Variants in PECAM1 observed in about 807,000 individuals in gnomAD.
PECAM1 encodes the protein platelet and endothelial cell adhesion molecule 1, also known as platelet endothelial cell adhesion molecule.
PECAM1 carries 8 observed loss-of-function variants against 13.8 expected under a neutral mutation model. The observed-to-expected ratio is 0.58, with a 90% confidence interval of 0.34 to 1.05. PECAM1 has a LOEUF of 1.05. PECAM1 is among the 50% of genes least tolerant of loss of function. PECAM1 has a pLI of 0.03. For synonymous variants in PECAM1, 136 were observed against 52.6 expected (o/e 2.58, Z -6.86); for missense variants, 304 against 141.2 (o/e 2.15, Z -5.84).
intron 13 of PECAM1, among the ~76,000 whole-genome samples, chr17:64,342,044 G>A (rs1053318920): frequency 1.7e-4 from 26 of 151,904 alleles, no homozygotes; most frequent in African/African-American, 3.6e-4. Flanking sequence ...CCAGTTACTC[G>A]AGAGCTAAGG....
Position 64,352,584 on chromosome 17 carries a change from C to T in PECAM1, c.1917-121G>A, listed in dbSNP as rs2035750211. On this transcript the variant is annotated intron_variant, in intron 10 of 15. Coordinates refer to ENST00000563924, the MANE Select transcript of PECAM1 (RefSeq NM_000442.5). ...CATGAGAAAACCAGGAAGAGTTTTCCAAGGTAAGGAAAACTTTACTCTCTC... is the reference window on the plus strand; with the variant it reads ...CATGAGAAAACCAGGAAGAGTTTTCTAAGGTAAGGAAAACTTTACTCTCTC... 1.5e-5 allele frequency: 6 copies of T among 393,444 alleles called. No individual in the cohort carries two copies. The South Asian group carries it at 7.1e-4, about 47-fold the overall frequency. The allele number at this position is 393,444 out of a possible 1,614,324, so 24.4% of individuals were successfully genotyped here.
chr17:64,354,191 C>T (rs1345628843), intron 9 of PECAM1, among the ~76,000 whole-genome samples: 3 of 152,140 alleles, frequency 2.0e-5, no homozygotes, highest in Admixed American at 6.5e-5. Context: ...ATCTGCCTGC[C>T]TTGGCCTCCC....
chr17:64,374,033 A>G (rs1167202756), intron 4 of PECAM1, among the ~76,000 whole-genome samples: 2 of 152,086 alleles, frequency 1.3e-5, no homozygotes, highest in African/African-American at 2.4e-5. Context: ...ACGCAAATCT[A>G]CGTTGAACAA....
chr17:64,330,614 C>T (rs8081216), intron 14 of PECAM1, among the ~76,000 whole-genome samples: 81,418 of 147,424 alleles, frequency 0.55, 22,468 homozygotes, highest in East Asian at 0.69. Context: ...CCAGCCTGGG[C>T]GACACAGCAA....
At chr17:64,335,443 T>A (rs961836775) in intron 14 of PECAM1, among the ~76,000 whole-genome samples, 1 of 150,342 alleles carries the variant, frequency 6.7e-6, no homozygotes, top group Admixed American at 6.6e-5. Context: ...ATTATGCCGA[T>A]AACATGAAGC....
chr17:64,389,527 A>G (rs1178841106), intron 2 of PECAM1, among the ~76,000 whole-genome samples: 1 of 152,184 alleles, frequency 6.6e-6, no homozygotes, highest in Non-Finnish European at 1.5e-5. Context: ...CCAGTGTGTG[A>G]TTTTTATCAT....
chr17:64,373,526 C>CTCTG (rs1397152566), intron 4 of PECAM1, among the ~76,000 whole-genome samples: 2 of 148,924 alleles, frequency 1.3e-5, no homozygotes, highest in Admixed American at 6.8e-5. Context: ...GATGTTTTTT[C>CTCTG]TGTGTGTGTG....
intron 2 of PECAM1, among the ~76,000 whole-genome samples, chr17:64,389,719 C>T (rs11653990): frequency 0.4 from 60,529 of 151,936 alleles, 12,540 homozygotes; most frequent in Non-Finnish European, 0.46. Flanking sequence ...AAAAAATCAC[C>T]TCCCCATCCC....
intron 11 of PECAM1, among the ~76,000 whole-genome samples, chr17:64,351,771 G>A (rs1395980152): frequency 2.0e-5 from 3 of 152,146 alleles, no homozygotes; most frequent in African/African-American, 7.2e-5. Context: ...GACTTTTTGT[G>A]ATGTAATTAT....
intron 15 of PECAM1, 30 bp from the exon 16 acceptor site, chr17:64,323,875 G>T (rs782194674): frequency 1.3e-6 from 1 of 793,008 alleles, no homozygotes; most frequent in Non-Finnish European, 2.3e-6. Context: ...GGCAAGTTAT[G>T]ATCACACCTC....
Position 64,343,498 on chromosome 17 carries a change from A to G in PECAM1, c.2108-1808T>C, listed in dbSNP as rs1475126698. ...TCTCCCTGGCAGACCCCGACCTCCT[A>G]TGGGGTGACAGCTGGGGTCTTGGAC... On this transcript the variant is annotated intron_variant, in intron 13 of 15. Coordinates refer to ENST00000563924, the MANE Select transcript of PECAM1 (RefSeq NM_000442.5). 4.6e-5 allele frequency among the ~76,000 whole-genome samples: 7 copies of G among 152,160 alleles called. No homozygotes were observed. The East Asian group carries it at 1.4e-3, about 29-fold the overall frequency.
chr17:64,383,177 G>A (rs1354207757), intron 2 of PECAM1, among the ~76,000 whole-genome samples: 3 of 152,108 alleles, frequency 2.0e-5, no homozygotes, highest in African/African-American at 7.2e-5. Context: ...TTTACTGAAC[G>A]AGCTGCCCAT....
chr17:64,327,284 G>A lies in PECAM1; in HGVS notation c.2187+2416C>T, dbSNP rs529569670. The stretch of plus-strand genomic sequence containing the variant: ...TGAGATCAACCAGCTTTTATATGGT[G>A]GTTTGCAGCTTGCAGCTTTTATATG... On this transcript the variant is annotated intron_variant, in intron 15 of 15. Coordinates refer to ENST00000563924, the MANE Select transcript of PECAM1 (RefSeq NM_000442.5). 2.6e-5 allele frequency among the ~76,000 whole-genome samples: 4 copies of A among 152,324 alleles called. No individual in the cohort carries two copies. The South Asian group carries it at 8.3e-4, about 32-fold the overall frequency.
At chr17:64,376,611 T>C (rs1373414337) in intron 3 of PECAM1, among the ~76,000 whole-genome samples, 2 of 152,204 alleles carry the variant, frequency 1.3e-5, no homozygotes, top group Non-Finnish European at 2.9e-5. Flanking sequence ...ACACCATCTC[T>C]GTCTTTACAA....
chr17:64,378,621 G>A (rs7502663), intron 2 of PECAM1, among the ~76,000 whole-genome samples: 62,075 of 150,418 alleles, frequency 0.41, 14,065 homozygotes, highest in South Asian at 0.57. Context: ...CAGCCTGGGC[G>A]ACAGAGTGAG....
At chr17:64,384,275 T>C (rs1251878264) in intron 2 of PECAM1, among the ~76,000 whole-genome samples, 1 of 152,170 alleles carries the variant, frequency 6.6e-6, no homozygotes, top group Non-Finnish European at 1.5e-5. Flanking sequence ...TGTTGAGATA[T>C]GAGTCTCAGC....
In PECAM1 at chr17:64,374,575, G is replaced by A. The variant is rs1393288255; in HGVS notation, c.691+476C>T. Among the ~76,000 whole-genome samples, 5 of 152,184 alleles carry A rather than the reference G, an allele frequency of 3.3e-5. No individual in the cohort carries two copies. The East Asian group carries it at 9.7e-4, about 29-fold the overall frequency. On this transcript the variant is annotated intron_variant, in intron 4 of 15. Coordinates refer to ENST00000563924, the MANE Select transcript of PECAM1 (RefSeq NM_000442.5). ...AAGGCGGGTGGATCGCCTGACATCA[G>A]GAGTTTGAGACCAGCCTGGCCAACA...
chr17:64,321,940 T>C lies in PECAM1; in HGVS notation c.*1876A>G, dbSNP rs1381761791. 4 of 1,321,020 alleles carry C rather than the reference T, an allele frequency of 3.0e-6. No individual in the cohort carries two copies. In the African/African-American group the frequency reaches 4.5e-5, roughly 15 times the overall value. The allele number at this position is 1,321,020 out of a possible 1,614,324, so 81.8% of individuals were successfully genotyped here. A position where few individuals can be genotyped will look rare whatever the true frequency, so the allele number is the denominator to read the frequency against. On this transcript the variant is annotated 3_prime_UTR_variant, in exon 16 of 16. Coordinates refer to ENST00000563924, the MANE Select transcript of PECAM1 (RefSeq NM_000442.5). Reference sequence around the variant, plus strand: ...CAGATCATCAACAGAGACATGAAGGTCGTTAGAGGTCGTCTGATCCTTTGA... The same window carrying C: ...CAGATCATCAACAGAGACATGAAGGCCGTTAGAGGTCGTCTGATCCTTTGA...
chr17:64,364,690 C>T (rs1598035922), intron 5 of PECAM1, among the ~76,000 whole-genome samples: 1 of 150,358 alleles, frequency 6.7e-6, no homozygotes, highest in African/African-American at 2.4e-5. Flanking sequence ...TAAATGTAAT[C>T]CAGCATATAA....
Sources: allele counts gnomAD v4.1 joint callset (sites outside exome capture counted in the v4.1 genomes callset), GRCh38; gene constraint gnomAD v4.1.1; transcripts MANE v1.5; gene names NCBI Gene and HGNC (gene_info 2026-07-23, HGNC 2026-07-21).